The following EVA1A variants were observed in gnomAD, a reference collection of about 807,000 sequenced individuals.
The protein encoded by EVA1A is protein eva-1 homolog A.
A neutral mutation model predicts 9.8 loss-of-function variants in EVA1A; 7 were observed. The observed-to-expected ratio is 0.71, with a 90% confidence interval of 0.41 to 1.34. The LOEUF (loss-of-function observed/expected upper bound fraction) is 1.34, where lower values mean the gene tolerates loss of function less well. Among genes scored for constraint, EVA1A ranks in the 40% most tolerant of loss-of-function variants. EVA1A has a pLI of 0.01. For missense variants in EVA1A, 206 were observed against 205.9 expected (o/e 1.00, Z 0.00); for synonymous variants, 90 against 85.6 (o/e 1.05, Z -0.28).
chr2:75,509,079 C>T (rs1385958287), intron 3 of EVA1A, among the ~76,000 whole-genome samples: 3 of 152,108 alleles, frequency 2.0e-5, no homozygotes, highest in African/African-American at 2.4e-5. Context: ...GCTGTGATGC[C>T]TGTGCAAATC....
At chr2:75,518,591 C>CT in intron 2 of EVA1A, 1 of 992,218 alleles carries the variant, frequency 1.0e-6, no homozygotes, top group Non-Finnish European at 1.2e-6. Context: ...GACCTTTCTC[C>CT]TTTCTCTGCC....
intron 3 of EVA1A, among the ~76,000 whole-genome samples, chr2:75,508,374 A>G (rs1674692635): frequency 6.6e-6 from 1 of 152,142 alleles, no homozygotes; most frequent in South Asian, 2.1e-4. Flanking sequence ...ATCCCTGGGA[A>G]AGAGAATACA....
intron 2 of EVA1A, among the ~76,000 whole-genome samples, chr2:75,519,907 G>C (rs1231338827): frequency 1.3e-5 from 2 of 152,030 alleles, no homozygotes; most frequent in Non-Finnish European, 2.9e-5. Context: ...TCTTTCTGAT[G>C]ATACCTCCTT....
intron 3 of EVA1A, among the ~76,000 whole-genome samples, chr2:75,510,725 T>C (rs1415225180): frequency 6.6e-6 from 1 of 152,102 alleles, no homozygotes; most frequent in African/African-American, 2.4e-5. Flanking sequence ...ATATCTGTAA[T>C]ATGTAACAGA....
intron 1 of EVA1A, among the ~76,000 whole-genome samples, chr2:75,546,819 T>C (rs1676345154): frequency 6.7e-6 from 1 of 149,826 alleles, no homozygotes; most frequent in Admixed American, 6.8e-5. Context: ...CCAATATAAC[T>C]GGTGTTCTTA....
intron 1 of EVA1A, among the ~76,000 whole-genome samples, chr2:75,550,335 T>C (rs1183766180): frequency 6.6e-6 from 1 of 152,170 alleles, no homozygotes; most frequent in African/African-American, 2.4e-5. Context: ...TACCTTTCCC[T>C]TTGCTCAGAG....
chr2:75,517,804 A>G (rs1381217308), intron 3 of EVA1A: 5 of 720,524 alleles, frequency 6.9e-6, no homozygotes, highest in Non-Finnish European at 1.3e-5. Context: ...GGCCACTTCA[A>G]TCACTCACTT....
intron 1 of EVA1A, among the ~76,000 whole-genome samples, chr2:75,533,337 G>C (rs547484779): frequency 6.6e-6 from 1 of 152,092 alleles, no homozygotes; most frequent in East Asian, 1.9e-4. Flanking sequence ...ATGTTTCAGC[G>C]GCTGAAAGAA....
intron 1 of EVA1A, among the ~76,000 whole-genome samples, chr2:75,553,827 C>T (rs1045642370): frequency 6.6e-6 from 1 of 152,086 alleles, no homozygotes; most frequent in African/African-American, 2.4e-5. Context: ...ATTAAAGGAC[C>T]GAGGTCTCAT....
intron 1 of EVA1A, among the ~76,000 whole-genome samples, chr2:75,566,835 A>C (rs1677037181): frequency 6.7e-6 from 1 of 149,436 alleles, no homozygotes; most frequent in South Asian, 2.1e-4. Flanking sequence ...TTAGTATAAA[A>C]TTTGCTTCTT....
intron 1 of EVA1A, among the ~76,000 whole-genome samples, chr2:75,558,188 C>T (rs1198830012): frequency 6.6e-6 from 1 of 152,154 alleles, no homozygotes; most frequent in African/African-American, 2.4e-5. Flanking sequence ...AAACTTGAAC[C>T]ATGTCCTGGA....
chr2:75,505,016 C>T (rs1674564277), intron 3 of EVA1A, among the ~76,000 whole-genome samples: 1 of 152,136 alleles, frequency 6.6e-6, no homozygotes, highest in Non-Finnish European at 1.5e-5. Flanking sequence ...AATAGGCAAC[C>T]CACAAGGAAG....
At chr2:75,497,016 T>C (rs975901257) in intron 3 of EVA1A, among the ~76,000 whole-genome samples, 2 of 152,196 alleles carry the variant, frequency 1.3e-5, no homozygotes, top group Non-Finnish European at 2.9e-5. Context: ...TCCTTCTTTT[T>C]ACCTTATACA....
intron 3 of EVA1A, among the ~76,000 whole-genome samples, chr2:75,506,201 T>C (rs1674614975): frequency 2.0e-5 from 3 of 152,212 alleles, no homozygotes; most frequent in South Asian, 2.1e-4. Context: ...TTTTGAAAAA[T>C]AGTAATACAA....
upstream of EVA1A, among the ~76,000 whole-genome samples, chr2:75,562,114 A>G (rs1233792980): frequency 6.6e-6 from 1 of 152,210 alleles, no homozygotes; most frequent in Non-Finnish European, 1.5e-5. Context: ...GCAGCTTAAC[A>G]AGATCCCTAG....
At chr2:75,513,298 A>G (rs763191603) in intron 3 of EVA1A, among the ~76,000 whole-genome samples, 29 of 152,190 alleles carry the variant, frequency 1.9e-4, no homozygotes, top group Admixed American at 9.2e-4. Context: ...CTACTGTCTT[A>G]GCAAATTTTC....
intron 1 of EVA1A, among the ~76,000 whole-genome samples, chr2:75,525,081 T>G (rs945239336): frequency 2.6e-5 from 4 of 152,098 alleles, no homozygotes; most frequent in Admixed American, 1.3e-4. Context: ...CATTCTATAC[T>G]TATATACATA....
chr2:75,568,347 T>C (rs1677063329), intron 1 of EVA1A, among the ~76,000 whole-genome samples: 1 of 149,976 alleles, frequency 6.7e-6, no homozygotes, highest in Non-Finnish European at 1.5e-5. Context: ...TAAAATTTAA[T>C]AATTAAAGGA....
intron 3 of EVA1A, among the ~76,000 whole-genome samples, chr2:75,510,941 T>C (rs919193128): frequency 1.3e-5 from 2 of 152,192 alleles, no homozygotes; most frequent in Non-Finnish European, 2.9e-5. Context: ...TGGAACACAA[T>C]TTTGCCCATT....
Sources: allele counts gnomAD v4.1 joint callset (sites outside exome capture counted in the v4.1 genomes callset), GRCh38; gene constraint gnomAD v4.1.1; transcripts MANE v1.5; gene names NCBI Gene and HGNC (gene_info 2026-07-23, HGNC 2026-07-21).